The following EYA4 variants were observed in gnomAD, a reference collection of about 807,000 sequenced individuals.
The protein encoded by EYA4 is protein phosphatase EYA4.
A neutral mutation model predicts 87.9 loss-of-function variants in EYA4; 31 were observed. The observed-to-expected ratio is 0.35, with a 90% CI of 0.27 to 0.48. The LOEUF is 0.48. Ranked by LOEUF, EYA4 falls within the 20% of genes least tolerant of loss-of-function variation. The pLI is 0.99. For synonymous variants in EYA4, 263 were observed against 270.6 expected (o/e 0.97, Z 0.28); for missense variants, 678 against 761.4 (o/e 0.89, Z 1.29).
intron 13 of EYA4, among the ~76,000 whole-genome samples, chr6:133,503,113 G>T (rs911213682): frequency 1.3e-5 from 2 of 152,174 alleles, no homozygotes; most frequent in East Asian, 3.8e-4. Context: ...CTTGCTAGCA[G>T]ATTCTTGCAT....
At chr6:133,428,453 A>G (rs1210169301) in intron 3 of EYA4, among the ~76,000 whole-genome samples, 1 of 152,180 alleles carries the variant, frequency 6.6e-6, no homozygotes, top group Admixed American at 6.5e-5. Context: ...ATCACTTAAA[A>G]TGGTTTCAAC....
chr6:133,461,810 C>CTTTT (rs11450141), intron 7 of EYA4, among the ~76,000 whole-genome samples: 3 of 129,928 alleles, frequency 2.3e-5, no homozygotes, highest in Non-Finnish European at 1.6e-5. Flanking sequence ...AATGATGTTC[C>CTTTT]TTTTTTTTTT....
In EYA4 at chr6:133,511,979, T is replaced by TAA. The variant is rs11355023; in HGVS notation, c.1282-729_1282-728dup. ...CTGGGCGACTAAGTGAGATTCCATA[T>TAA]AAAAAAAAAAAAAATCAGGTCAATT... On this transcript the variant is annotated intron_variant, in intron 14 of 19. Transcript: ENST00000355286. Among the ~76,000 whole-genome samples, 434 of 142,612 alleles carry TAA rather than the reference T, an allele frequency of 3.0e-3. 2 individuals carry two copies. Among genetic ancestry groups the TAA allele is most frequent in the African/African-American group, 9.7e-3 (382 of 39,230 alleles). 93.6% of individuals were successfully genotyped at this position (142,612 alleles called of 152,430 possible). A position where few individuals can be genotyped will look rare whatever the true frequency, so the allele number is the denominator to read the frequency against.
At chr6:133,411,482 T>G (rs577885264) in intron 3 of EYA4, among the ~76,000 whole-genome samples, 6 of 152,314 alleles carry the variant, frequency 3.9e-5, no homozygotes, top group African/African-American at 1.4e-4. Context: ...AAAAACACAG[T>G]CACTCTACCC....
chr6:133,448,249 G>T, intron 5 of EYA4, 70 bp downstream of exon 5: 1 of 1,115,772 alleles, frequency 9.0e-7, no homozygotes, highest in Non-Finnish European at 1.4e-6. Flanking sequence ...GCTGTCTGTT[G>T]CTATGTCTAT....
In EYA4 at chr6:133,307,965, T is replaced by G. The variant is rs138376732; in HGVS notation, c.33+33152T>G. Reference sequence around the variant, plus strand: ...TGGGGGTGGGTTTTTCCTGTGCTGTTCTCATGATAGAGGATAAGTCTCATG... The same window carrying G: ...TGGGGGTGGGTTTTTCCTGTGCTGTGCTCATGATAGAGGATAAGTCTCATG... On this transcript the variant is annotated intron_variant, in intron 2 of 19. Transcript: ENST00000355286. Among the ~76,000 whole-genome samples the G allele has an allele frequency of 3.9e-5, 6 of 152,190 alleles. No homozygotes were observed. The East Asian group carries it at 9.7e-4, about 25-fold the overall frequency.
chr6:133,505,894 G>T (rs976620277), intron 13 of EYA4, among the ~76,000 whole-genome samples: 1 of 152,018 alleles, frequency 6.6e-6, no homozygotes, highest in Non-Finnish European at 1.5e-5. Flanking sequence ...TCATCGTTAC[G>T]TATGTCTGAA....
chr6:133,445,153 A>G (rs1322089222), intron 3 of EYA4, among the ~76,000 whole-genome samples: 2 of 152,162 alleles, frequency 1.3e-5, no homozygotes, highest in African/African-American at 4.8e-5. Context: ...TGTACCCTAA[A>G]CTTAACCTCT....
intron 2 of EYA4, among the ~76,000 whole-genome samples, chr6:133,300,003 G>A (rs1779274817): frequency 6.7e-6 from 1 of 150,066 alleles, no homozygotes; most frequent in Admixed American, 6.6e-5. Context: ...ACTACTAATA[G>A]CCTACTGTTG....
intron 12 of EYA4, 55 bp from the exon 13 acceptor site, chr6:133,482,977 A>G: frequency 1.5e-6 from 2 of 1,346,374 alleles, no homozygotes; most frequent in Non-Finnish European, 2.1e-6. Context: ...GCTTGTAAAG[A>G]GATTTCTGTT....
At chr6:133,379,849 C>G (rs1343935424) in intron 2 of EYA4, among the ~76,000 whole-genome samples, 1 of 152,092 alleles carries the variant, frequency 6.6e-6, no homozygotes, top group African/African-American at 2.4e-5. Context: ...CTCACCTCAT[C>G]CCCCTTCCAC....
chr6:133,376,389 T>C (rs899211034), intron 2 of EYA4, among the ~76,000 whole-genome samples: 2 of 151,926 alleles, frequency 1.3e-5, no homozygotes, highest in African/African-American at 2.4e-5. Flanking sequence ...GTTTTCAGTG[T>C]ATAGTATGTC....
At chr6:133,456,701 C>T in intron 6 of EYA4, 53 bp downstream of exon 6, 2 of 1,064,172 alleles carry the variant, frequency 1.9e-6, no homozygotes, top group Non-Finnish European at 2.9e-6. Context: ...GCATCCACAT[C>T]CTCCTCCTCG....
chr6:133,269,515 CTGT>C (rs1776511867), intron 1 of EYA4, among the ~76,000 whole-genome samples: 2 of 590 alleles, frequency 3.4e-3, no homozygotes, highest in African/African-American at 6.0e-3. Context: ...ATCTGTGTCT[CTGT>C]TATATATGCA....
intron 17 of EYA4, among the ~76,000 whole-genome samples, chr6:133,515,803 A>G (rs1307823291): frequency 5.9e-5 from 9 of 152,206 alleles, no homozygotes; most frequent in African/African-American, 2.2e-4. Flanking sequence ...GTGGCAAAGT[A>G]CAAGGGGGTG....
chr6:133,359,909 TA>T (rs1304327383), intron 2 of EYA4, among the ~76,000 whole-genome samples: 2 of 152,150 alleles, frequency 1.3e-5, no homozygotes, highest in African/African-American at 4.8e-5. Context: ...TCCCCTTCTT[TA>T]CCCAAGCTGA....
Position 133,531,053 on chromosome 6 carries a change from T to G in EYA4, c.*2248T>G, listed in dbSNP as rs1800981095. On this transcript the variant is annotated 3_prime_UTR_variant, in exon 20 of 20. Transcript: ENST00000355286. ...AGAATTGTGGCATTACATCTAAATTTGTAAGTCTTTTCATATCAAACAAGC... is the reference window on the plus strand; with the variant it reads ...AGAATTGTGGCATTACATCTAAATTGGTAAGTCTTTTCATATCAAACAAGC... The G allele has an allele frequency of 5.0e-6, 7 of 1,396,880 alleles. No homozygotes were observed. The East Asian group carries it at 1.0e-4, about 20-fold the overall frequency. 86.5% of individuals were successfully genotyped at this position (1,396,880 alleles called of 1,614,324 possible). A position where few individuals can be genotyped will look rare whatever the true frequency, so the allele number is the denominator to read the frequency against.
At chr6:133,527,467 T>A (rs1409968401) in intron 19 of EYA4, among the ~76,000 whole-genome samples, 1 of 152,192 alleles carries the variant, frequency 6.6e-6, no homozygotes, top group East Asian at 1.9e-4. Flanking sequence ...GAAGCTACAT[T>A]TTACAAAATT....
chr6:133,455,849 T>A (rs1295026271), intron 5 of EYA4, among the ~76,000 whole-genome samples: 1 of 152,172 alleles, frequency 6.6e-6, no homozygotes, highest in Non-Finnish European at 1.5e-5. Context: ...ATGATAATAA[T>A]GTGTACTAGG....
Sources: allele counts gnomAD v4.1 joint callset (sites outside exome capture counted in the v4.1 genomes callset), GRCh38; gene constraint gnomAD v4.1.1; transcripts MANE v1.5; gene names NCBI Gene and HGNC (gene_info 2026-07-23, HGNC 2026-07-21).